The following EYS variants were observed in gnomAD, a reference collection of about 807,000 sequenced individuals.
EYS encodes the protein protein eyes shut homolog.
In EYS, 250 loss-of-function variants were observed where a neutral mutation model predicts 282.1. That is an observed-to-expected ratio of 0.89 (90% confidence interval 0.80 to 0.98). The LOEUF is 0.98. EYS is among the 50% of genes least tolerant of loss of function. EYS has a pLI of 0.00. For synonymous variants in EYS, 1,355 were observed against 1,282.9 expected (o/e 1.06, Z -1.20); for missense variants, 4,016 against 3,709.0 (o/e 1.08, Z -2.15).
chr6:65,192,661 T>A (rs1765670784), intron 12 of EYS, among the ~76,000 whole-genome samples: 1 of 151,758 alleles, frequency 6.6e-6, no homozygotes, highest in Non-Finnish European at 1.5e-5. Context: ...AATGTTGAAA[T>A]TAATTGCCAT....
At chr6:64,650,940 C>T (rs532788040) in intron 22 of EYS, among the ~76,000 whole-genome samples, 3 of 151,862 alleles carry the variant, frequency 2.0e-5, no homozygotes, top group African/African-American at 7.2e-5. Context: ...TGTATCTTCA[C>T]GTTTATTGTT....
intron 35 of EYS, among the ~76,000 whole-genome samples, chr6:63,901,059 C>CTAATAT (rs1455824198): frequency 6.6e-6 from 1 of 152,130 alleles, no homozygotes; most frequent in Non-Finnish European, 1.5e-5. Context: ...CTCTGAGTGT[C>CTAATAT]CTCAGATATT....
Position 63,984,578 on chromosome 6 carries a change from C to T in EYS, c.6860G>A (p.Gly2287Asp). Reference protein sequence around the residue: ...SQAYFESMFLGHIPANVQIHK... With the variant: ...SQAYFESMFLDHIPANVQIHK... ...AATTTGAACATTTGCAGGAATATGG[C>T]CAAGGAACATTGATTCAAAATATGC... is the stretch of plus-strand genomic sequence containing the variant. Residue 2287 changes from glycine (G) to aspartate (D), a missense_variant, in exon 35 of 43, where the codon GGC (glycine) becomes GAC (aspartate). Coordinates refer to ENST00000503581, the MANE Select transcript of EYS (RefSeq NM_001142800.2). 6.5e-7 allele frequency: 1 copy of T among 1,548,842 alleles called. No individual in the cohort carries two copies. Among genetic ancestry groups the T allele is most frequent in the Non-Finnish European group, 8.7e-7 (1 of 1,145,136 alleles).
intron 22 of EYS, among the ~76,000 whole-genome samples, chr6:64,724,714 C>A (rs1163310290): frequency 1.3e-5 from 2 of 152,086 alleles, no homozygotes; most frequent in Non-Finnish European, 2.9e-5. Flanking sequence ...TTATATACAT[C>A]ATCTGATATG....
chr6:63,760,747 A>G (rs144440972), intron 41 of EYS, among the ~76,000 whole-genome samples: 2 of 151,660 alleles, frequency 1.3e-5, no homozygotes, highest in East Asian at 1.9e-4. Context: ...TCTGCCCTCT[A>G]TATAATCTAT....
At chr6:65,009,180 A>T (rs565725618) in intron 13 of EYS, among the ~76,000 whole-genome samples, 47 of 151,946 alleles carry the variant, frequency 3.1e-4, no homozygotes, top group Admixed American at 1.8e-3. Flanking sequence ...GTTCAAGTAA[A>T]ACTAAGGGAT....
intron 2 of EYS, among the ~76,000 whole-genome samples, chr6:65,598,717 TGG>T (rs1765503233): frequency 6.6e-6 from 1 of 152,086 alleles, no homozygotes; most frequent in Non-Finnish European, 1.5e-5. Context: ...CATTGTCCAT[TGG>T]ACCAAAATCT....
At chr6:64,672,468 C>T (rs1286607492) in intron 22 of EYS, among the ~76,000 whole-genome samples, 3 of 152,078 alleles carry the variant, frequency 2.0e-5, no homozygotes, top group Non-Finnish European at 4.4e-5. Context: ...TTTGAACCTC[C>T]CTCAAGCCTT....
intron 15 of EYS, among the ~76,000 whole-genome samples, chr6:64,923,220 G>A (rs777566277): frequency 1.2e-4 from 18 of 152,182 alleles, no homozygotes; most frequent in East Asian, 1.9e-4. Context: ...GATGGGAGGC[G>A]AAAGGTATGT....
chr6:63,791,293 C>T (rs997892341), intron 37 of EYS, among the ~76,000 whole-genome samples: 2 of 151,930 alleles, frequency 1.3e-5, no homozygotes, highest in Admixed American at 6.6e-5. Context: ...GGGCCGGGCA[C>T]GGTGGCTCAC....
rs1248199893 is a variant in EYS at position 64,591,149 on chromosome 6, T to G, written c.4718A>C (p.Gln1573Pro). The change falls in exon 26 of 43, where the codon CAA becomes CCA. Residue 1573 changes from glutamine to proline, a missense_variant. Physicochemically the swap from Gln to Pro is moderately conservative, Grantham distance 76 (BLOSUM62 -1). Coordinates refer to ENST00000503581, the MANE Select transcript of EYS (RefSeq NM_001142800.2). Reference protein sequence around the residue: ...EIKSSREFSDQVLHSKQSHFY... With the variant: ...EIKSSREFSDPVLHSKQSHFY... ...GTGGGACTGTTTGCTATGCAAAACT[T>G]GATCTGAGAATTCACGAGAGGATTT... The G allele has an allele frequency of 1.9e-6, 3 of 1,551,242 alleles. No homozygotes were observed. The highest frequency in any genetic ancestry group is 2.7e-5 in the African/African-American group (2 of 73,008).
At chr6:65,582,985 C>G (rs1011673185) in intron 2 of EYS, among the ~76,000 whole-genome samples, 1 of 151,982 alleles carries the variant, frequency 6.6e-6, no homozygotes, top group Admixed American at 6.6e-5. Flanking sequence ...TAGTGGTATA[C>G]TACTATTTCA....
At chr6:63,895,297 A>G (rs1221870779) in intron 35 of EYS, among the ~76,000 whole-genome samples, 1 of 152,196 alleles carries the variant, frequency 6.6e-6, no homozygotes, top group Non-Finnish European at 1.5e-5. Context: ...CTACTATAAT[A>G]TAGTATTAAT....
At chr6:65,475,221 T>C (rs985249630) in intron 5 of EYS, among the ~76,000 whole-genome samples, 4 of 152,066 alleles carry the variant, frequency 2.6e-5, no homozygotes, top group Non-Finnish European at 5.9e-5. Context: ...GCCATCTTTG[T>C]ATGAAAACAT....
At chr6:65,058,216 T>C (rs1292592628) in intron 12 of EYS, among the ~76,000 whole-genome samples, 1 of 152,094 alleles carries the variant, frequency 6.6e-6, no homozygotes, top group Non-Finnish European at 1.5e-5. Context: ...AGTGGTGCGA[T>C]CTTGGATCAC....
chr6:64,087,024 G>C (rs1408408906), intron 31 of EYS, among the ~76,000 whole-genome samples: 1 of 152,136 alleles, frequency 6.6e-6, no homozygotes, highest in Non-Finnish European at 1.5e-5. Context: ...ACTAGGAGAA[G>C]TTTGGATATG....
chr6:64,704,960 A>C (rs368181853), intron 22 of EYS, among the ~76,000 whole-genome samples: 2 of 152,150 alleles, frequency 1.3e-5, no homozygotes, highest in Non-Finnish European at 2.9e-5. Flanking sequence ...TCAACATAGT[A>C]CTGGAAGTCC....
chr6:65,606,224 T>C (rs917936148), intron 2 of EYS, among the ~76,000 whole-genome samples: 2 of 151,722 alleles, frequency 1.3e-5, no homozygotes, highest in Non-Finnish European at 3.0e-5. Context: ...TTTAAAAATA[T>C]GTTTAACCAC....
At chr6:64,248,062 A>ACTT (rs1362282711) in intron 30 of EYS, among the ~76,000 whole-genome samples, 3 of 152,140 alleles carry the variant, frequency 2.0e-5, no homozygotes, top group Non-Finnish European at 4.4e-5. Context: ...AGGAGAGGCA[A>ACTT]AGAAGTCTGT....
Sources: gnomAD v4.1 joint callset for allele counts (sites outside exome capture counted in the v4.1 genomes callset) on GRCh38, gnomAD v4.1.1 for gene constraint, MANE v1.5 for transcripts, NCBI Gene and HGNC (gene_info 2026-07-23, HGNC 2026-07-21) for gene names.